CARS1: variants seen among roughly 807,000 people sequenced by gnomAD.
CARS1 encodes cysteine--tRNA ligase, cytoplasmic.
A neutral mutation model predicts 106.2 loss-of-function variants in CARS1; 48 were observed. The ratio of observed to expected loss-of-function variants is 0.45; its 90% confidence interval spans 0.36 to 0.57. The LOEUF (loss-of-function observed/expected upper bound fraction) is 0.57. Among genes scored for constraint, CARS1 ranks in the 20% least tolerant of loss-of-function variants. The pLI is 0.00. For missense variants in CARS1, 968 were observed against 1,057.2 expected (o/e 0.92, Z 1.17); for synonymous variants, 409 against 403.4 (o/e 1.01, Z -0.17).
chr11:3,027,528 T>C (rs377252957), intron 9 of CARS1: 8 of 182,100 alleles, frequency 4.4e-5, no homozygotes, highest in African/African-American at 1.4e-4. Context: ...AAAATAAGAA[T>C]AGTTATACCA....
chr11:3,025,049 G>A (rs1173969391), intron 10 of CARS1, among the ~76,000 whole-genome samples: 1 of 152,086 alleles, frequency 6.6e-6, no homozygotes, highest in Non-Finnish European at 1.5e-5. Context: ...TGGTTCTAGG[G>A]TAGTGAAGCC....
At position 3,046,234 on chromosome 11, in the gene CARS1, C is replaced by T. The variant is rs1459024650; in HGVS notation, c.274+1519G>A. On this transcript the variant is annotated intron_variant, in intron 2 of 22. Transcript: ENST00000380525. The surrounding 1 kb of genome is among the most constrained non-coding windows in gnomAD (Gnocchi z 5.8). ...CTCTCACAGTGTGGATGGAGGCTTG[C>T]GTCTGTGCCGCTCTTTCAACAAGTC... 6.6e-6 allele frequency among the ~76,000 whole-genome samples: 1 copy of T among 152,106 alleles called. No individual in the cohort carries two copies. Among genetic ancestry groups the T allele is most frequent in the African/African-American group, 2.4e-5 (1 of 41,400 alleles).
At chr11:3,018,139 C>G (rs1851225244) in intron 14 of CARS1, 185 bp from the exon 15 acceptor site, 1 of 615,962 alleles carries the variant, frequency 1.6e-6, no homozygotes, top group South Asian at 2.0e-5. Flanking sequence ...TTTAGGTTTA[C>G]AGATGCTCAT....
chr11:3,055,469 T>A (rs1230299543), intron 1 of CARS1, among the ~76,000 whole-genome samples: 1 of 152,218 alleles, frequency 6.6e-6, no homozygotes, highest in African/African-American at 2.4e-5. Context: ...CCTGTTCTCA[T>A]CTTTGAGAGT....
rs1229208742 is a variant in CARS1 at position 3,038,701 on chromosome 11, T to G, written c.651+493A>C. Reference sequence around the variant, plus strand: ...ATTAGTAGAGAGTAAAATGACCTATTCTTACTATTGTAATAAAAATAAGTA... The same window carrying G: ...ATTAGTAGAGAGTAAAATGACCTATGCTTACTATTGTAATAAAAATAAGTA... On this transcript the variant is annotated intron_variant, in intron 6 of 22. Coordinates refer to ENST00000380525, the MANE Select transcript of CARS1 (RefSeq NM_001014437.3). This position sits in a 1 kb window ranked among gnomAD's most constrained non-coding sequence, Gnocchi z 4.0. 2.6e-5 allele frequency among the ~76,000 whole-genome samples: 4 copies of G among 152,232 alleles called. No homozygotes were observed. Among genetic ancestry groups the G allele is most frequent in the African/African-American group, 4.8e-5 (2 of 41,456 alleles).
chr11:3,039,138 G>C lies in CARS1; in HGVS notation c.651+56C>G. On this transcript the variant is annotated intron_variant, in intron 6 of 22. Coordinates refer to ENST00000380525, the MANE Select transcript of CARS1 (RefSeq NM_001014437.3). This position sits in a 1 kb window ranked among gnomAD's most constrained non-coding sequence, Gnocchi z 5.6. ...ACCCTAGGGACAGTAGCCTACAAAG[G>C]ACCGAGAACAGAAAGCAAAGGGCTC... is the stretch of plus-strand genomic sequence containing the variant. 1 of 1,092,450 alleles carries C rather than the reference G, an allele frequency of 9.2e-7. No homozygotes were observed. Among genetic ancestry groups the C allele is most frequent in the African/African-American group, 1.5e-5 (1 of 64,806 alleles). 67.7% of individuals were successfully genotyped at this position (1,092,450 alleles called of 1,614,324 possible). A position where few individuals can be genotyped will look rare whatever the true frequency, so the allele number is the denominator to read the frequency against.
chr11:3,012,428 G>GA, intron 17 of CARS1, 152 bp from the exon 18 acceptor site: 1 of 674,708 alleles, frequency 1.5e-6, no homozygotes, highest in South Asian at 1.7e-5. Flanking sequence ...CCAGAGCCTG[G>GA]ACGCTCTCGT....
intron 7 of CARS1, among the ~76,000 whole-genome samples, chr11:3,032,040 C>T (rs1053059660): frequency 4.6e-4 from 9 of 19,426 alleles, no homozygotes; most frequent in African/African-American, 5.3e-4. Flanking sequence ...CCCTCCCTCC[C>T]TCCCTCCCTC....
chr11:3,009,894 T>C (rs1850282719), intron 18 of CARS1, among the ~76,000 whole-genome samples: 1 of 152,202 alleles, frequency 6.6e-6, no homozygotes, highest in Non-Finnish European at 1.5e-5. Context: ...AAACAGTCAC[T>C]ATTTGCTGCT....
intron 13 of CARS1, 31 bp downstream of exon 13, chr11:3,018,589 T>TG: frequency 1.9e-6 from 3 of 1,613,422 alleles, no homozygotes; most frequent in Non-Finnish European, 2.5e-6. Flanking sequence ...AGAAGGTGGT[T>TG]GGGGGGTCTG....
At chr11:3,001,663 G>A (rs191848331) in intron 22 of CARS1, among the ~76,000 whole-genome samples, 5 of 152,332 alleles carry the variant, frequency 3.3e-5, no homozygotes, top group Non-Finnish European at 7.4e-5. Flanking sequence ...TCTGCGCCAC[G>A]GCACTTCAGC....
At position 3,048,099 on chromosome 11, in the gene CARS1, A is replaced by G; in HGVS notation, c.26-98T>C. On this transcript the variant is annotated intron_variant, in intron 1 of 22. Transcript: ENST00000380525. The surrounding 1 kb of genome is among the most constrained non-coding windows in gnomAD (Gnocchi z 5.1). ...TAGGGGATGGCACAGAACCAAGGAA[A>G]AAGGTGTTCAAGCCCTTCCCTGGAC... 6.9e-7 allele frequency: 1 copy of G among 1,444,776 alleles called. No individual in the cohort carries two copies. The highest frequency in any genetic ancestry group is 2.3e-5 in the East Asian group (1 of 43,080). 89.5% of individuals were successfully genotyped at this position (1,444,776 alleles called of 1,614,324 possible). A position where few individuals can be genotyped will look rare whatever the true frequency, so the allele number is the denominator to read the frequency against.
At position 3,047,930 on chromosome 11, in the gene CARS1, T is replaced by C; in HGVS notation, c.97A>G (p.Ser33Gly). ...TACCCCTGGACATAGCTACGCGTGCTGAGGTGCTCGTTCAGGGCTTGTGCC... is the reference window on the plus strand; with the variant it reads ...TACCCCTGGACATAGCTACGCGTGCCGAGGTGCTCGTTCAGGGCTTGTGCC... ...ARAQALNEHLSTRSYVQGYSL... is the reference protein window; with the variant it reads ...ARAQALNEHLGTRSYVQGYSL... Residue 33 changes from serine to glycine, a missense_variant, in exon 2 of 23, where the codon AGC (serine) becomes GGC (glycine). By Grantham distance (56) the Ser-to-Gly change is moderately conservative (BLOSUM62 0). Transcript: ENST00000380525. 1.9e-6 allele frequency: 3 copies of C among 1,614,170 alleles called. No homozygotes were observed. The highest frequency in any genetic ancestry group is 1.7e-5 in the Admixed American group (1 of 60,032).
chr11:3,028,766 A>C lies in CARS1; in HGVS notation c.1031+230T>G. ...GATGGTCTTGGCTGCCGAGCTTCCC[A>C]GCAGATTCTGGGTTAGGTTCTCACC... On this transcript the variant is annotated intron_variant, in intron 9 of 22. Coordinates refer to ENST00000380525, the MANE Select transcript of CARS1 (RefSeq NM_001014437.3). The surrounding 1 kb of genome is among the most constrained non-coding windows in gnomAD (Gnocchi z 4.4). The C allele has an allele frequency of 1.9e-6, 1 of 532,462 alleles. No homozygotes were observed. Among genetic ancestry groups the C allele is most frequent in the Non-Finnish European group, 3.3e-6 (1 of 301,884 alleles). The allele number at this position is 532,462 out of a possible 1,614,324, so 33.0% of individuals were successfully genotyped here. A position where few individuals can be genotyped will look rare whatever the true frequency, so the allele number is the denominator to read the frequency against.
chr11:3,036,821 C>A (rs1419380913), intron 7 of CARS1, among the ~76,000 whole-genome samples: 1 of 152,162 alleles, frequency 6.6e-6, no homozygotes, highest in Non-Finnish European at 1.5e-5. Flanking sequence ...CCCATCTATA[C>A]ACAACAGAGT....
intron 18 of CARS1, 78 bp downstream of exon 18, chr11:3,012,117 G>T: frequency 7.7e-7 from 1 of 1,298,082 alleles, no homozygotes; most frequent in African/African-American, 1.5e-5. Context: ...ACGCCATAGT[G>T]CCTCGGGGGA....
At position 3,013,216 on chromosome 11, in the gene CARS1, G is replaced by A. The variant is rs977354851; in HGVS notation, c.1987-940C>T. On this transcript the variant is annotated intron_variant, in intron 17 of 22. Coordinates refer to ENST00000380525, the MANE Select transcript of CARS1 (RefSeq NM_001014437.3). Reference sequence around the variant, plus strand: ...ATTGCCCAGACTGGCATGCAATGGCGATCTCGGCTCACCGCAACCTCCACC... The same window carrying A: ...ATTGCCCAGACTGGCATGCAATGGCAATCTCGGCTCACCGCAACCTCCACC... 2.7e-5 allele frequency among the ~76,000 whole-genome samples: 4 copies of A among 150,496 alleles called. No homozygotes were observed. In the East Asian group the frequency reaches 5.9e-4, roughly 22 times the overall value.
At chr11:3,024,180 T>C (rs1374718671) in intron 10 of CARS1, among the ~76,000 whole-genome samples, 1 of 152,108 alleles carries the variant, frequency 6.6e-6, no homozygotes, top group Admixed American at 6.5e-5. Context: ...CGTGAGCCAC[T>C]GCACCCGGCA....
At position 3,048,629 on chromosome 11, in the gene CARS1, G is replaced by A. The variant is rs1270573055; in HGVS notation, c.26-628C>T. On this transcript the variant is annotated intron_variant, in intron 1 of 22. Coordinates refer to ENST00000380525, the MANE Select transcript of CARS1 (RefSeq NM_001014437.3). The surrounding 1 kb of genome is among the most constrained non-coding windows in gnomAD (Gnocchi z 5.1). The stretch of plus-strand genomic sequence containing the variant: ...GCGGCACCCTCTCCCTCTGGGTGCT[G>A]GGGGATGAGGGGTAGGAGAACCCCA... 1.3e-5 allele frequency: 2 copies of A among 152,458 alleles called. No homozygotes were observed. The highest frequency in any genetic ancestry group is 2.9e-5 in the Non-Finnish European group (2 of 68,254). 9.4% of individuals were successfully genotyped at this position (152,458 alleles called of 1,614,324 possible).
Sources: gnomAD v4.1 joint callset for allele counts (sites outside exome capture counted in the v4.1 genomes callset) on GRCh38, gnomAD v4.1.1 for gene constraint, Gnocchi (gnomAD v3.1) non-coding constraint, MANE v1.5 for transcripts, NCBI Gene and HGNC (gene_info 2026-07-23, HGNC 2026-07-21) for gene names.